ADCY9: variants seen among roughly 807,000 people sequenced by gnomAD.
The protein encoded by ADCY9 is adenylate cyclase 9.
A neutral mutation model predicts 101.5 loss-of-function variants in ADCY9; 50 were observed. The observed-to-expected ratio is 0.49, with a 90% CI of 0.39 to 0.62. ADCY9 has a LOEUF of 0.62. Among genes scored for constraint, ADCY9 ranks in the 20% least tolerant of loss-of-function variants. The probability of loss-of-function intolerance (pLI) is 0.00; values close to 1 mark genes in which losing one functional copy is unlikely to be tolerated. For synonymous variants in ADCY9, 905 were observed against 769.3 expected, an observed-to-expected ratio of 1.18 and a Z score of -2.92; for missense variants, 1,662 against 1,800.4, an observed-to-expected ratio of 0.92 and a Z score of 1.39.
chr16:4,088,936 C>T (rs544047055), intron 2 of ADCY9, among the ~76,000 whole-genome samples: 1 of 152,078 alleles, frequency 6.6e-6, no homozygotes, highest in African/African-American at 2.4e-5. Context: ...TTCATCACCC[C>T]GAAAGGAAAC....
chr16:4,091,840 G>C (rs2056975623), intron 2 of ADCY9, among the ~76,000 whole-genome samples: 1 of 152,220 alleles, frequency 6.6e-6, no homozygotes, highest in Non-Finnish European at 1.5e-5. Flanking sequence ...AGTGGGTGTA[G>C]GGTTTCCTTC....
intron 2 of ADCY9, among the ~76,000 whole-genome samples, chr16:4,074,106 A>G (rs2532020): frequency 0.65 from 98,130 of 151,816 alleles, 33,784 homozygotes; most frequent in East Asian, 0.9. Flanking sequence ...TTCATCAAAC[A>G]GCATTGCTCT....
At chr16:3,984,327 C>A (rs1348837710) in intron 6 of ADCY9, among the ~76,000 whole-genome samples, 1 of 152,170 alleles carries the variant, frequency 6.6e-6, no homozygotes, top group Non-Finnish European at 1.5e-5. Flanking sequence ...TTAAGTGGCA[C>A]ATCATCGCCT....
chr16:3,988,453 G>GA (rs756277289), intron 6 of ADCY9, among the ~76,000 whole-genome samples: 10 of 92,750 alleles, frequency 1.1e-4, no homozygotes, highest in Non-Finnish European at 5.3e-5. Flanking sequence ...CAGGTGGGGG[G>GA]TTCCCTTCCA....
In ADCY9 at chr16:4,090,706, G is replaced by C. The variant is rs1597219519; in HGVS notation, c.1693+23044C>G. Among the ~76,000 whole-genome samples the C allele has an allele frequency of 2.0e-5, 3 of 150,822 alleles. No individual in the cohort carries two copies. In the South Asian group the frequency reaches 6.4e-4, roughly 32 times the overall value. On this transcript the variant is annotated intron_variant, in intron 2 of 10. Coordinates refer to ENST00000294016, the MANE Select transcript of ADCY9 (RefSeq NM_001116.4). ...ACAAGGAAGTTCCTAGAGTTGTTGA[G>C]ATTTTTTTTTTTTGGTCAATGTTTA...
In ADCY9 at chr16:4,051,081, C is replaced by T. The variant is rs144676138; in HGVS notation, c.1694-43523G>A. 3.0e-3 allele frequency among the ~76,000 whole-genome samples: 457 copies of T among 152,024 alleles called. 4 individuals are homozygous for T. The highest frequency in any genetic ancestry group is 0.014 in the Middle Eastern group (4 of 294). On this transcript the variant is annotated intron_variant, in intron 2 of 10. Transcript: ENST00000294016. ...TACAAAAATTAGCTGGGTGTGGTGG[C>T]GCACGCCTGTAATCCCAGCTACATG...
chr16:3,966,384 G>A lies in ADCY9; in HGVS notation c.3453C>T (p.Asp1151=). 6.2e-7 allele frequency: 1 copy of A among 1,614,110 alleles called. No individual in the cohort carries two copies. Among genetic ancestry groups the A allele is most frequent in the South Asian group, 1.1e-5 (1 of 91,084 alleles). The change falls in exon 11 of 11, where the codon GAC becomes GAT. Residue 1151 remains aspartate, a synonymous_variant. Transcript: ENST00000294016. ...TGAACCACAGCATGTTGTTGTTGAA[G>A]TCGTCCACCACGCGCATCATCTCCT... ...FAKEMMRVVD[D]FNNNMLWFNF... is the part of the protein sequence containing the mutation.
intron 10 of ADCY9, among the ~76,000 whole-genome samples, chr16:3,973,505 CCTTT>C (rs1034102855): frequency 1.3e-5 from 2 of 151,584 alleles, no homozygotes; most frequent in Non-Finnish European, 2.9e-5. Flanking sequence ...ACGTGCCTGG[CCTTT>C]TTTTTCTGAG....
chr16:4,021,109 G>T (rs2056473513), intron 2 of ADCY9, among the ~76,000 whole-genome samples: 1 of 152,098 alleles, frequency 6.6e-6, no homozygotes, highest in African/African-American at 2.4e-5. Context: ...ATTTTACTAT[G>T]TGAGTTTAAA....
At chr16:3,991,624 G>A (rs541122554) in intron 5 of ADCY9, among the ~76,000 whole-genome samples, 5 of 151,978 alleles carry the variant, frequency 3.3e-5, no homozygotes, top group Admixed American at 6.6e-5. Context: ...AGCTGGGCAT[G>A]GTTGTGTATG....
chr16:4,111,610 A>G (rs1440480300), intron 2 of ADCY9, among the ~76,000 whole-genome samples: 1 of 152,230 alleles, frequency 6.6e-6, no homozygotes, highest in Non-Finnish European at 1.5e-5. Flanking sequence ...CTGGAGTCCT[A>G]TCCACAAAGG....
Position 4,115,832 on chromosome 16 carries a change from G to C in ADCY9, c.-186C>G. On this transcript the variant is annotated 5_prime_UTR_variant, in exon 1 of 11. Coordinates refer to ENST00000294016, the MANE Select transcript of ADCY9 (RefSeq NM_001116.4). The surrounding 1 kb of genome is among the most constrained non-coding windows in gnomAD (Gnocchi z 6.2). Reference sequence around the variant, plus strand: ...TCGCGCGCTCGCCTCCTCCAGCTGCGGCTCCGGAGGGAAGTTCAGACCTTG... The same window carrying C: ...TCGCGCGCTCGCCTCCTCCAGCTGCCGCTCCGGAGGGAAGTTCAGACCTTG... The C allele has an allele frequency of 2.5e-6, 1 of 402,968 alleles. No homozygotes were observed. The highest frequency in any genetic ancestry group is 4.4e-6 in the Non-Finnish European group (1 of 229,186). 25.0% of individuals were successfully genotyped at this position (402,968 alleles called of 1,614,324 possible). A position where few individuals can be genotyped will look rare whatever the true frequency, so the allele number is the denominator to read the frequency against.
chr16:3,958,800 AGCTGAGACCAC>A (rs893261787), downstream of ADCY9, among the ~76,000 whole-genome samples: 16 of 148,188 alleles, frequency 1.1e-4, no homozygotes, highest in Non-Finnish European at 2.4e-4. Flanking sequence ...GCCTCCAAGT[AGCTGAGACCAC>A]AGGCACCCAC....
intron 2 of ADCY9, among the ~76,000 whole-genome samples, chr16:4,084,206 G>T (rs2141182365): frequency 6.6e-6 from 1 of 152,122 alleles, no homozygotes; most frequent in South Asian, 2.1e-4. Flanking sequence ...CCGCCTCCTG[G>T]GTTCAAGTGA....
chr16:4,048,327 T>G (rs1303943358), intron 2 of ADCY9, among the ~76,000 whole-genome samples: 1 of 152,256 alleles, frequency 6.6e-6, no homozygotes, highest in African/African-American at 2.4e-5. Context: ...TTTCCATTTG[T>G]TCTTTGTTTG....
intron 2 of ADCY9, among the ~76,000 whole-genome samples, chr16:4,047,437 C>A (rs1179214361): frequency 1.3e-5 from 2 of 149,196 alleles, no homozygotes; most frequent in African/African-American, 5.2e-5. Flanking sequence ...AGTTAAGGGC[C>A]TGGGGGACTT....
chr16:3,983,127 G>A (rs1313480537), intron 7 of ADCY9, 105 bp downstream of exon 7: 3 of 1,097,054 alleles, frequency 2.7e-6, no homozygotes, highest in Non-Finnish European at 3.8e-6. Flanking sequence ...TCAGCCAGCA[G>A]GGACAGCTGG....
chr16:4,110,970 G>A (rs144920045), intron 2 of ADCY9, among the ~76,000 whole-genome samples: 3 of 152,114 alleles, frequency 2.0e-5, no homozygotes, highest in Non-Finnish European at 2.9e-5. Context: ...TCACGATCAC[G>A]GATCCTGCTC....
intron 2 of ADCY9, among the ~76,000 whole-genome samples, chr16:4,095,310 C>T (rs2056996746): frequency 6.6e-6 from 1 of 152,124 alleles, no homozygotes; most frequent in South Asian, 2.1e-4. Context: ...CCTCTAATTT[C>T]TAATTACAAC....
Sources: allele counts gnomAD v4.1 joint callset (sites outside exome capture counted in the v4.1 genomes callset), GRCh38; gene constraint gnomAD v4.1.1; non-coding constraint Gnocchi (gnomAD v3.1); transcripts MANE v1.5; gene names NCBI Gene and HGNC (gene_info 2026-07-23, HGNC 2026-07-21).